Variants in SMARCD2 observed in about 807,000 individuals in gnomAD.
SMARCD2 encodes SWI/SNF related BAF chromatin remodeling complex subunit D2.
SMARCD2 carries 39 observed loss-of-function variants against 70.4 expected under a neutral mutation model. That is an observed-to-expected ratio of 0.55 (90% CI 0.43 to 0.72). The LOEUF (loss-of-function observed/expected upper bound fraction) is 0.72. Among genes scored for constraint, SMARCD2 ranks in the 30% least tolerant of loss-of-function variants. SMARCD2 has a pLI of 0.00. For missense variants in SMARCD2, 540 were observed against 713.4 expected, an observed-to-expected ratio of 0.76 and a Z score of 2.77; for synonymous variants, 249 against 279.4, an observed-to-expected ratio of 0.89 and a Z score of 1.08.
In SMARCD2 at chr17:63,836,924, T is replaced by C; in HGVS notation, c.565A>G (p.Thr189Ala). The C allele has an allele frequency of 6.2e-7, 1 of 1,613,556 alleles. No homozygotes were observed. The highest frequency in any genetic ancestry group is 8.5e-7 in the Non-Finnish European group (1 of 1,179,734). Residue 189 changes from threonine to alanine, a missense_variant and splice_region_variant, in exon 4 of 13, where the codon ACA (threonine) becomes GCA (alanine). Coordinates refer to ENST00000448276, the MANE Select transcript of SMARCD2 (RefSeq NM_001098426.2). ...EIQEAIKKPL[T>A]QKRKLRIYIS... ...GAGGTGGTCAGGGCCACACATACTG[T>C]CAGAGGCTTTTTGATGGCCTCCTGG...
In SMARCD2 at chr17:63,833,033, C is replaced by CA. The variant is rs758687483; in HGVS notation, c.1542+35dup. On this transcript the variant is annotated intron_variant, in intron 12 of 12. Coordinates refer to ENST00000448276, the MANE Select transcript of SMARCD2 (RefSeq NM_001098426.2). This position sits in a 1 kb window ranked among gnomAD's most constrained non-coding sequence, Gnocchi z 4.3. ...CCAAGTGGCTCAGGCCTTTGCTACTCACGGCCAAAGGAGGGAAAACAGGGC... is the reference window on the plus strand; with the variant it reads ...CCAAGTGGCTCAGGCCTTTGCTACTCAACGGCCAAAGGAGGGAAAACAGGGC... 1.3e-6 allele frequency: 2 copies of CA among 1,585,456 alleles called. No individual in the cohort carries two copies. The highest frequency in any genetic ancestry group is 1.7e-6 in the Non-Finnish European group (2 of 1,166,874).
Position 63,834,676 on chromosome 17 carries a change from G to A in SMARCD2, c.819+29C>T. On this transcript the variant is annotated intron_variant, in intron 6 of 12. Transcript: ENST00000448276. The surrounding 1 kb of genome is among the most constrained non-coding windows in gnomAD (Gnocchi z 5.6). Reference sequence around the variant, plus strand: ...ATTTCCCTGCCAAACCTGCACATCAGCCTGCTTTTGCCCCAGGCCCACTCT... The same window carrying A: ...ATTTCCCTGCCAAACCTGCACATCAACCTGCTTTTGCCCCAGGCCCACTCT... The A allele has an allele frequency of 1.3e-6, 2 of 1,588,814 alleles. No homozygotes were observed. Among genetic ancestry groups the A allele is most frequent in the Non-Finnish European group, 1.7e-6 (2 of 1,157,052 alleles).
chr17:63,842,550 A>T lies in SMARCD2; in HGVS notation c.125T>A (p.Leu42His), dbSNP rs1355871352. Residue 42 changes from leucine to histidine, a missense_variant, in exon 1 of 13, where the codon CTC becomes CAC. Physicochemically the swap from Leu to His is moderately conservative, Grantham distance 99 (BLOSUM62 -3). Coordinates refer to ENST00000448276, the MANE Select transcript of SMARCD2 (RefSeq NM_001098426.2). ...GCCTCCTGCCGGACCCGGTCCCCGG[A>T]GCGCCGGTCCGGGCAGCATGCCGGG... ...AGPGMLPGPA[L>H]RGPGPAGGVG... is the part of the protein sequence containing the mutation. 8.3e-7 allele frequency: 1 copy of T among 1,206,162 alleles called. No homozygotes were observed. Among genetic ancestry groups the T allele is most frequent in the African/African-American group, 1.6e-5 (1 of 63,052 alleles). 74.7% of individuals were successfully genotyped at this position (1,206,162 alleles called of 1,614,324 possible).
At position 63,833,896 on chromosome 17, in the gene SMARCD2, T is replaced by C; in HGVS notation, c.1181+13A>G. On this transcript the variant is annotated intron_variant, in intron 9 of 12. Transcript: ENST00000448276. The surrounding 1 kb of genome is among the most constrained non-coding windows in gnomAD (Gnocchi z 4.3). ...TCTTAGAAGAGCCTTCCTGTCCCCC[T>C]CCTTGCATTTACCTAATGACATGGT... The C allele has an allele frequency of 6.3e-7, 1 of 1,590,422 alleles. No individual in the cohort carries two copies.
chr17:63,832,970 G>A lies in SMARCD2; in HGVS notation c.1564C>T (p.Leu522=). The change falls in exon 13 of 13, where the codon CTG becomes TTG. Residue 522 remains leucine, a synonymous_variant. Transcript: ENST00000448276. The part of the protein sequence containing the change: ...FAKVQQRRQE[L]EQVLGIRLT ...AGGCGAATTCCCAGCACCTGTTCCAGTTCCTGCCTTCGCTGCTGCACCTGG... is the reference window on the plus strand; with the variant it reads ...AGGCGAATTCCCAGCACCTGTTCCAATTCCTGCCTTCGCTGCTGCACCTGG... The A allele has an allele frequency of 6.3e-7, 1 of 1,581,462 alleles. No individual in the cohort carries two copies. The highest frequency in any genetic ancestry group is 8.6e-7 in the Non-Finnish European group (1 of 1,165,156).
chr17:63,834,094 C>G lies in SMARCD2; in HGVS notation c.1083+73G>C. 6.3e-7 allele frequency: 1 copy of G among 1,598,640 alleles called. No individual in the cohort carries two copies. Among genetic ancestry groups the G allele is most frequent in the Non-Finnish European group, 8.6e-7 (1 of 1,167,650 alleles). ...ACCAGTGAGGGCAGCAGTCTGCAGG[C>G]TGTGGCCAAGGAGTAGCCCAGCAGG... On this transcript the variant is annotated intron_variant, in intron 8 of 12. Transcript: ENST00000448276. The surrounding 1 kb of genome is among the most constrained non-coding windows in gnomAD (Gnocchi z 5.6).
chr17:63,835,493 A>T lies in SMARCD2; in HGVS notation c.642T>A (p.Thr214=). ...PSKAEGDSAG[T]AGTPGGTPAG... ...CTGGGGTTCCCCCAGGGGTCCCTGCAGTTCCTGCACTATCGCCTTCCGCCT... is the reference window on the plus strand; with the variant it reads ...CTGGGGTTCCCCCAGGGGTCCCTGCTGTTCCTGCACTATCGCCTTCCGCCT... The change falls in exon 5 of 13, where the codon ACT becomes ACA. Residue 214 remains threonine, a synonymous_variant. Transcript: ENST00000448276. 1.9e-6 allele frequency: 3 copies of T among 1,614,008 alleles called. No individual in the cohort carries two copies. The highest frequency in any genetic ancestry group is 2.5e-6 in the Non-Finnish European group (3 of 1,179,860).
In SMARCD2 at chr17:63,834,697, ACT is replaced by A; in HGVS notation, c.819+6_819+7del. The A allele has an allele frequency of 6.2e-7, 1 of 1,608,486 alleles. No homozygotes were observed. On this transcript the variant is annotated splice_donor_region_variant and intron_variant, in intron 6 of 12. Transcript: ENST00000448276. The surrounding 1 kb of genome is among the most constrained non-coding windows in gnomAD (Gnocchi z 5.6). ...ATCAGCCTGCTTTTGCCCCAGGCCC[ACT>A]CTCACCTCCACCAGGTGATTGTCAG...
rs771740818 is a variant in SMARCD2 at position 63,834,093 on chromosome 17, G to A, written c.1083+74C>T. The A allele has an allele frequency of 9.4e-6, 15 of 1,595,602 alleles. No individual in the cohort carries two copies. Among genetic ancestry groups the A allele is most frequent in the South Asian group, 2.2e-5 (2 of 90,182 alleles). On this transcript the variant is annotated intron_variant, in intron 8 of 12. Coordinates refer to ENST00000448276, the MANE Select transcript of SMARCD2 (RefSeq NM_001098426.2). This position sits in a 1 kb window ranked among gnomAD's most constrained non-coding sequence, Gnocchi z 5.6. ...GACCAGTGAGGGCAGCAGTCTGCAG[G>A]CTGTGGCCAAGGAGTAGCCCAGCAG... is the stretch of plus-strand genomic sequence containing the variant.
rs762898379 is a variant in SMARCD2 at position 63,836,966 on chromosome 17, G to A, written c.523C>T (p.Arg175Cys). The A allele has an allele frequency of 6.2e-6, 10 of 1,613,782 alleles. No individual in the cohort carries two copies. Among genetic ancestry groups the A allele is most frequent in the Admixed American group, 3.3e-5 (2 of 60,010 alleles). ...FERKLDQTIA[R>C]KRMEIQEAIK... Reference sequence around the variant, plus strand: ...GCCTCCTGGATCTCCATCCGCTTGCGAGCAATGGTCTGGTCCAGCTTCCGC... The same window carrying A: ...GCCTCCTGGATCTCCATCCGCTTGCAAGCAATGGTCTGGTCCAGCTTCCGC... The change falls in exon 4 of 13, where the codon CGC becomes TGC. Residue 175 changes from arginine to cysteine, a missense_variant. By Grantham distance (180) the Arg-to-Cys change is radical (BLOSUM62 -3). Transcript: ENST00000448276.
Position 63,833,464 on chromosome 17 carries a change from T to G in SMARCD2, c.1318-44A>C, listed in dbSNP as rs370457167. On this transcript the variant is annotated intron_variant, in intron 10 of 12. Coordinates refer to ENST00000448276, the MANE Select transcript of SMARCD2 (RefSeq NM_001098426.2). The surrounding 1 kb of genome is among the most constrained non-coding windows in gnomAD (Gnocchi z 4.3). The stretch of plus-strand genomic sequence containing the variant: ...TCAGACTGTGCCCCCAAAGCTTACA[T>G]GCAAGCAACTGAGCCAGAGTTCCCA... 50 of 1,611,438 alleles carry G rather than the reference T, an allele frequency of 3.1e-5. No homozygotes were observed. The East Asian group carries it at 3.3e-4, about 11-fold the overall frequency.
chr17:63,835,432 C>T lies in SMARCD2; in HGVS notation c.703G>A (p.Glu235Lys), dbSNP rs1368497581. ...CTCACATCATCCAGCAGTTTTCCTT[C>T]CACTCGGAGTTCCCAGGAAGCCACC... ...DKVASWELRV[E>K]GKLLDDPSKQ... is the part of the protein sequence containing the mutation. The change falls in exon 5 of 13, where the codon GAA becomes AAA. Residue 235 changes from glutamate (E) to lysine (K), a missense_variant. Transcript: ENST00000448276. 1 of 1,613,402 alleles carries T rather than the reference C, an allele frequency of 6.2e-7. No homozygotes were observed. Among genetic ancestry groups the T allele is most frequent in the Non-Finnish European group, 8.5e-7 (1 of 1,179,608 alleles).
Position 63,834,453 on chromosome 17 carries a change from T to C in SMARCD2, c.921+21A>G, listed in dbSNP as rs2040238780. On this transcript the variant is annotated intron_variant, in intron 7 of 12. Coordinates refer to ENST00000448276, the MANE Select transcript of SMARCD2 (RefSeq NM_001098426.2). This position sits in a 1 kb window ranked among gnomAD's most constrained non-coding sequence, Gnocchi z 5.6. ...TGAGGGGTCCCTGTGGGCCCAGAAA[T>C]GACCCCAGGGTCTCTGTCACCTGAT... The C allele has an allele frequency of 6.4e-7, 1 of 1,562,274 alleles. No homozygotes were observed. The highest frequency in any genetic ancestry group is 8.7e-7 in the Non-Finnish European group (1 of 1,146,398).
In SMARCD2 at chr17:63,833,495, TC is replaced by T; in HGVS notation, c.1318-76del. 1 of 1,609,090 alleles carries T rather than the reference TC, an allele frequency of 6.2e-7. No homozygotes were observed. Among genetic ancestry groups the T allele is most frequent in the Non-Finnish European group, 8.5e-7 (1 of 1,176,462 alleles). On this transcript the variant is annotated intron_variant, in intron 10 of 12. Transcript: ENST00000448276. The surrounding 1 kb of genome is among the most constrained non-coding windows in gnomAD (Gnocchi z 4.3). ...CAACTGAGCCAGAGTTCCCATCCCG[TC>T]CTCCAGGTGCTACATGTATGGAAAT...
At position 63,834,840 on chromosome 17, in the gene SMARCD2, C is replaced by T; in HGVS notation, c.724-40G>A. ...GGGTGTGAGATGGTGCTGCTGAGCT[C>T]TCAAATCTCAAGCTATGCTAAATCC... On this transcript the variant is annotated intron_variant, in intron 5 of 12. Transcript: ENST00000448276. This position sits in a 1 kb window ranked among gnomAD's most constrained non-coding sequence, Gnocchi z 5.6. The T allele has an allele frequency of 7.5e-7, 1 of 1,331,674 alleles. No individual in the cohort carries two copies. Among genetic ancestry groups the T allele is most frequent in the Non-Finnish European group, 1.1e-6 (1 of 923,664 alleles). 82.5% of individuals were successfully genotyped at this position (1,331,674 alleles called of 1,614,324 possible). A position where few individuals can be genotyped will look rare whatever the true frequency, so the allele number is the denominator to read the frequency against.
In SMARCD2 at chr17:63,842,440, T is replaced by G; in HGVS notation, c.216+19A>C. The G allele has an allele frequency of 7.4e-7, 1 of 1,342,694 alleles. No individual in the cohort carries two copies. The highest frequency in any genetic ancestry group is 1.7e-5 in the South Asian group (1 of 60,450). The allele number at this position is 1,342,694 out of a possible 1,614,324, so 83.2% of individuals were successfully genotyped here. ...CGCAGCGCCTCTCGCCCCCGTCCGC[T>G]CGCGTCCTCCTTGCTCACCTGGTAC... On this transcript the variant is annotated intron_variant, in intron 1 of 12. Coordinates refer to ENST00000448276, the MANE Select transcript of SMARCD2 (RefSeq NM_001098426.2).
At chr17:63,841,047 C>G (rs1204455299) in intron 1 of SMARCD2, among the ~76,000 whole-genome samples, 1 of 152,250 alleles carries the variant, frequency 6.6e-6, no homozygotes, top group Admixed American at 6.5e-5. Context: ...ACAGATGGTG[C>G]CCAGGCCAGG....
In SMARCD2 at chr17:63,833,031, C is replaced by G; in HGVS notation, c.1542+38G>C. 1 of 1,585,766 alleles carries G rather than the reference C, an allele frequency of 6.3e-7. No individual in the cohort carries two copies. Among genetic ancestry groups the G allele is most frequent in the South Asian group, 1.2e-5 (1 of 86,746 alleles). ...AACCAAGTGGCTCAGGCCTTTGCTA[C>G]TCACGGCCAAAGGAGGGAAAACAGG... is the stretch of plus-strand genomic sequence containing the variant. On this transcript the variant is annotated intron_variant, in intron 12 of 12. Coordinates refer to ENST00000448276, the MANE Select transcript of SMARCD2 (RefSeq NM_001098426.2). This position sits in a 1 kb window ranked among gnomAD's most constrained non-coding sequence, Gnocchi z 4.3.
chr17:63,837,259 T>A lies in SMARCD2; in HGVS notation c.402-22A>T. The A allele has an allele frequency of 6.2e-7, 1 of 1,612,792 alleles. No homozygotes were observed. The highest frequency in any genetic ancestry group is 8.5e-7 in the Non-Finnish European group (1 of 1,178,940). ...TAACCTGGGGAGGACAGAAACCCAC[T>A]TAAGAGGTCAATGGTCCAAAAAAGG... On this transcript the variant is annotated intron_variant, in intron 2 of 12. Transcript: ENST00000448276. The surrounding 1 kb of genome is among the most constrained non-coding windows in gnomAD (Gnocchi z 6.4).
Sources: gnomAD v4.1 joint callset for allele counts (sites outside exome capture counted in the v4.1 genomes callset) on GRCh38, gnomAD v4.1.1 for gene constraint, Gnocchi (gnomAD v3.1) non-coding constraint, MANE v1.5 for transcripts, NCBI Gene and HGNC (gene_info 2026-07-23, HGNC 2026-07-21) for gene names.